Variants in KIAA0319 observed in about 807,000 individuals in gnomAD.
The protein encoded by KIAA0319 is KIAA0319, also known as dyslexia-associated protein KIAA0319.
KIAA0319 carries 83 observed loss-of-function variants against 108.4 expected under a neutral mutation model. The ratio of observed to expected loss-of-function variants is 0.77; its 90% CI spans 0.64 to 0.92. The LOEUF is 0.92. Ranked by LOEUF, KIAA0319 falls within the 40% of genes least tolerant of loss-of-function variation. The pLI is 0.00. For missense variants in KIAA0319, 1,195 were observed against 1,322.4 expected (o/e 0.90, Z 1.49); for synonymous variants, 484 against 510.4 (o/e 0.95, Z 0.70).
intron 1 of KIAA0319, among the ~76,000 whole-genome samples, chr6:24,632,107 T>C (rs1189336704): frequency 6.6e-6 from 1 of 152,222 alleles, no homozygotes; most frequent in Non-Finnish European, 1.5e-5. Flanking sequence ...TTGTTTGCTT[T>C]TTCCCTATGA....
Position 24,596,453 on chromosome 6 carries a change from T to G in KIAA0319, c.221A>C (p.Glu74Ala). ...GCAGCTCACCAGGTAGCAGCGGCCC[T>G]CGAACCACCAGGCCAGGTCACAGCT... ...LSSCDLAWWFEGRCYLVSCPH... is the reference protein window; with the variant it reads ...LSSCDLAWWFAGRCYLVSCPH... Residue 74 changes from glutamate (E) to alanine (A), a missense_variant, in exon 3 of 21, where the codon GAG becomes GCG. By Grantham distance (107) the Glu-to-Ala change is moderately radical. Transcript: ENST00000378214. The G allele has an allele frequency of 1.2e-6, 2 of 1,614,098 alleles. No homozygotes were observed. The highest frequency in any genetic ancestry group is 4.5e-5 in the East Asian group (2 of 44,874).
At chr6:24,635,649 C>A (rs1776108667) in intron 1 of KIAA0319, among the ~76,000 whole-genome samples, 1 of 152,138 alleles carries the variant, frequency 6.6e-6, no homozygotes, top group Non-Finnish European at 1.5e-5. Flanking sequence ...CTTACAGGAG[C>A]TGAGAGTAAC....
chr6:24,608,183 GACA>G (rs1370216269), intron 1 of KIAA0319, among the ~76,000 whole-genome samples: 1 of 151,880 alleles, frequency 6.6e-6, no homozygotes, highest in East Asian at 1.9e-4. Flanking sequence ...TCTATTTTAA[GACA>G]ACTTTAAAAT....
chr6:24,556,742 G>A lies in KIAA0319; in HGVS notation c.2735-13C>T, dbSNP rs189574043. The A allele has an allele frequency of 2.6e-5, 42 of 1,610,742 alleles. No homozygotes were observed. The African/African-American group carries it at 4.4e-4, about 17-fold the overall frequency. Reference sequence around the variant, plus strand: ...TTCAGAAGGCAACCTGCAAAGAGGTGTGTAGGGCTGAGGGCAGCATGCAGA... The same window carrying A: ...TTCAGAAGGCAACCTGCAAAGAGGTATGTAGGGCTGAGGGCAGCATGCAGA... On this transcript the variant is annotated splice_polypyrimidine_tract_variant and intron_variant, in intron 17 of 20. Transcript: ENST00000378214.
intron 20 of KIAA0319, among the ~76,000 whole-genome samples, chr6:24,549,148 C>G (rs908290420): frequency 2.6e-5 from 4 of 151,802 alleles, no homozygotes; most frequent in African/African-American, 7.3e-5. Context: ...ATGGAGAAAC[C>G]CTGTCTCTAC....
chr6:24,582,474 CTTT>C (rs72007936), intron 5 of KIAA0319, 128 bp from the exon 6 acceptor site: 4 of 218,500 alleles, frequency 1.8e-5, no homozygotes, highest in South Asian at 1.3e-4. Flanking sequence ...ACTCAGCTTT[CTTT>C]TTTTTTTTTA....
At chr6:24,621,916 C>T (rs1209662231) in intron 1 of KIAA0319, among the ~76,000 whole-genome samples, 4 of 152,122 alleles carry the variant, frequency 2.6e-5, no homozygotes, top group Non-Finnish European at 4.4e-5. Flanking sequence ...GATCACCAAA[C>T]GAAAAACAGA....
intron 3 of KIAA0319, among the ~76,000 whole-genome samples, chr6:24,589,235 G>A (rs1483298248): frequency 1.3e-5 from 2 of 152,160 alleles, no homozygotes; most frequent in Non-Finnish European, 2.9e-5. Context: ...CTTATAAGTA[G>A]AGGAGAAAGA....
At chr6:24,553,058 T>C (rs1761731802) in intron 19 of KIAA0319, among the ~76,000 whole-genome samples, 1 of 151,896 alleles carries the variant, frequency 6.6e-6, no homozygotes, top group African/African-American at 2.4e-5. Context: ...TTCTCAGGGG[T>C]CAGCTCCATG....
chr6:24,620,368 T>G (rs1338292967), intron 1 of KIAA0319, among the ~76,000 whole-genome samples: 1 of 152,220 alleles, frequency 6.6e-6, no homozygotes, highest in Non-Finnish European at 1.5e-5. Context: ...TGGCATGATC[T>G]CAGCTCACTG....
intron 5 of KIAA0319, 37 bp downstream of exon 5, chr6:24,583,567 A>G: frequency 7.2e-7 from 1 of 1,391,160 alleles, no homozygotes; most frequent in Non-Finnish European, 1.0e-6. Flanking sequence ...AAAACACCCC[A>G]GTTCCTAGTG....
intron 1 of KIAA0319, among the ~76,000 whole-genome samples, chr6:24,622,318 T>TAAAA (rs1774074871): frequency 2.0e-5 from 1 of 50,054 alleles, no homozygotes; most frequent in East Asian, 6.3e-4. Flanking sequence ...ATTTGAGAAA[T>TAAAA]TAAAAAAAAA....
downstream of KIAA0319, among the ~76,000 whole-genome samples, chr6:24,540,174 C>T (rs1760152283): frequency 6.6e-6 from 1 of 151,976 alleles, no homozygotes; most frequent in African/African-American, 2.4e-5. Flanking sequence ...TGTAAAATAA[C>T]AATGAAAAGT....
intron 1 of KIAA0319, among the ~76,000 whole-genome samples, chr6:24,623,949 A>G (rs1206110762): frequency 1.3e-5 from 2 of 151,800 alleles, no homozygotes; most frequent in East Asian, 3.9e-4. Context: ...AAAGTTAAAA[A>G]CTTTAATATA....
intron 1 of KIAA0319, among the ~76,000 whole-genome samples, chr6:24,640,900 C>T (rs62402863): frequency 0.026 from 3,952 of 152,212 alleles, 63 homozygotes; most frequent in Non-Finnish European, 0.038. Context: ...GTCATCTGCC[C>T]GCCTCAGCCT....
intron 1 of KIAA0319, among the ~76,000 whole-genome samples, chr6:24,626,678 G>A (rs1259167790): frequency 6.6e-6 from 1 of 152,204 alleles, no homozygotes; most frequent in Non-Finnish European, 1.5e-5. Flanking sequence ...AAAAGAAAAT[G>A]TATTGAACAC....
intron 4 of KIAA0319, among the ~76,000 whole-genome samples, chr6:24,585,609 CT>C (rs986335557): frequency 2.6e-5 from 4 of 152,188 alleles, no homozygotes; most frequent in Non-Finnish European, 5.9e-5. Flanking sequence ...GACTATTCCT[CT>C]ACCCCCTCTG....
chr6:24,549,521 G>C (rs563158863), intron 20 of KIAA0319, among the ~76,000 whole-genome samples: 2 of 152,140 alleles, frequency 1.3e-5, no homozygotes, highest in African/African-American at 4.8e-5. Context: ...TGTTAGAGCA[G>C]CCCAAACAGA....
At chr6:24,552,966 G>GCAC (rs1761718795) in intron 19 of KIAA0319, among the ~76,000 whole-genome samples, 1 of 152,024 alleles carries the variant, frequency 6.6e-6, no homozygotes, top group Non-Finnish European at 1.5e-5. Context: ...TCACATGAAA[G>GCAC]AGTGGACCTG....
Sources: allele counts gnomAD v4.1 joint callset (sites outside exome capture counted in the v4.1 genomes callset), GRCh38; gene constraint gnomAD v4.1.1; transcripts MANE v1.5; gene names NCBI Gene and HGNC (gene_info 2026-07-23, HGNC 2026-07-21).